Variants in SLMAP observed in about 807,000 individuals in gnomAD.
The protein encoded by SLMAP is sarcolemmal membrane-associated protein.
SLMAP carries 44 observed loss-of-function variants against 128.8 expected under a neutral mutation model. The ratio of observed to expected loss-of-function variants is 0.34; its 90% CI spans 0.27 to 0.44. The LOEUF (loss-of-function observed/expected upper bound fraction) is 0.44, where lower values mean the gene tolerates loss of function less well. Ranked by LOEUF, SLMAP falls within the 20% of genes least tolerant of loss-of-function variation. The pLI, the probability that SLMAP is intolerant of heterozygous loss-of-function variation, is 1.00. For synonymous variants in SLMAP, 327 were observed against 348.8 expected (o/e 0.94, Z 0.70); for missense variants, 787 against 985.3 (o/e 0.80, Z 2.69).
intron 2 of SLMAP, among the ~76,000 whole-genome samples, chr3:57,761,971 C>T (rs1341466916): frequency 2.0e-5 from 3 of 147,758 alleles, no homozygotes; most frequent in Non-Finnish European, 4.5e-5. Flanking sequence ...GGCGTGAACC[C>T]GGGAAGCGGA....
chr3:57,865,112 C>T, intron 12 of SLMAP, 130 bp from the exon 13 acceptor site: 1 of 602,588 alleles, frequency 1.7e-6, no homozygotes, highest in Non-Finnish European at 2.9e-6. Flanking sequence ...AGTACATGAA[C>T]AGCAGGATCC....
At chr3:57,886,286 C>T (rs1213865390) in intron 14 of SLMAP, among the ~76,000 whole-genome samples, 2 of 145,770 alleles carry the variant, frequency 1.4e-5, no homozygotes, top group East Asian at 4.2e-4. Flanking sequence ...TTTAGTAGAA[C>T]CGGGTTTTCA....
intron 2 of SLMAP, among the ~76,000 whole-genome samples, chr3:57,765,722 T>C (rs190916909): frequency 6.6e-6 from 1 of 152,332 alleles, no homozygotes; most frequent in East Asian, 1.9e-4. Flanking sequence ...TGCTGGTGTT[T>C]GTGAGAAAGT....
rs369118202 is a variant in SLMAP at position 57,851,990 on chromosome 3, A to G, written c.519+2174A>G. Among the ~76,000 whole-genome samples the G allele has an allele frequency of 4.8e-4, 73 of 152,050 alleles. No homozygotes were observed. The East Asian group carries it at 0.01, about 21-fold the overall frequency. On this transcript the variant is annotated intron_variant, in intron 6 of 24. Transcript: ENST00000671191. ...CGGTGGCGTGATCTTGGCTCACTGC[A>G]ACCTCCACTTCCCGGGTTCAAGCGA...
chr3:57,899,311 T>C (rs1018713252), intron 17 of SLMAP: 1 of 152,204 alleles, frequency 6.6e-6, no homozygotes, highest in Non-Finnish European at 1.5e-5. Flanking sequence ...AGGAAAAGAT[T>C]GGAAAATACA....
chr3:57,891,532 G>A (rs1024418274), intron 15 of SLMAP, among the ~76,000 whole-genome samples: 3 of 151,170 alleles, frequency 2.0e-5, no homozygotes, highest in African/African-American at 7.3e-5. Context: ...AAGTTTTAAA[G>A]AACATGCCTT....
Position 57,909,137 on chromosome 3 carries a change from A to G in SLMAP, c.1686A>G (p.Ile562Met), listed in dbSNP as rs2096633047. ...AAGTTGAGGAATCCACTAAACAAAT[A>G]CAGGTTCTTCAAGGTATGGAAGACC... ...RNQVEESTKQ[I>M]QVLQAQLQRL... Residue 562 changes from isoleucine to methionine, a missense_variant, in exon 19 of 25, where the codon ATA becomes ATG. Around this residue, in one of 2 missense-constraint regions of SLMAP, gnomAD observed 715 missense variants for 843.6 expected, o/e 0.85. Coordinates refer to ENST00000671191, the MANE Select transcript of SLMAP (RefSeq NM_001377540.1). The G allele has an allele frequency of 1.9e-6, 3 of 1,608,112 alleles. No individual in the cohort carries two copies. Among genetic ancestry groups the G allele is most frequent in the Non-Finnish European group, 2.6e-6 (3 of 1,176,108 alleles).
chr3:57,880,885 A>G (rs774300630), intron 14 of SLMAP, among the ~76,000 whole-genome samples: 6 of 152,132 alleles, frequency 3.9e-5, no homozygotes, highest in Non-Finnish European at 5.9e-5. Flanking sequence ...ACCTTGTCTC[A>G]GAATTTTTAA....
At chr3:57,843,336 C>T (rs1319150858) in intron 4 of SLMAP, among the ~76,000 whole-genome samples, 26 of 44,986 alleles carry the variant, frequency 5.8e-4, no homozygotes, top group Non-Finnish European at 7.3e-4. Context: ...TTTTCTTTGA[C>T]AGCCTGGTTC....
intron 2 of SLMAP, among the ~76,000 whole-genome samples, chr3:57,772,700 G>T (rs1156994914): frequency 6.6e-6 from 1 of 151,974 alleles, no homozygotes; most frequent in African/African-American, 2.4e-5. Context: ...GAGTGCAGTG[G>T]CATGATCTCG....
intron 14 of SLMAP, among the ~76,000 whole-genome samples, chr3:57,882,113 G>A (rs555700148): frequency 6.6e-6 from 1 of 152,176 alleles, no homozygotes; most frequent in East Asian, 1.9e-4. Context: ...TTTTTAGGAT[G>A]AGGAAACACT....
intron 17 of SLMAP, among the ~76,000 whole-genome samples, chr3:57,906,006 A>G (rs913276779): frequency 2.7e-5 from 4 of 150,400 alleles, no homozygotes; most frequent in Non-Finnish European, 5.9e-5. Flanking sequence ...AACCACTTGA[A>G]TGTAAGATGC....
In SLMAP at chr3:57,890,120, A is replaced by T. The variant is rs748189634; in HGVS notation, c.1360+20A>T. 2 of 1,611,742 alleles carry T rather than the reference A, an allele frequency of 1.2e-6. No homozygotes were observed. The highest frequency in any genetic ancestry group is 1.7e-6 in the Non-Finnish European group (2 of 1,178,124). ...CAAAAGGTTTGTTTTCTGTTTTTCTATGTTTTTTGACAGTTCTTTTGGATA... is the reference window on the plus strand; with the variant it reads ...CAAAAGGTTTGTTTTCTGTTTTTCTTTGTTTTTTGACAGTTCTTTTGGATA... On this transcript the variant is annotated intron_variant, in intron 15 of 24. Transcript: ENST00000671191.
rs970010369 is a variant in SLMAP at position 57,849,049 on chromosome 3, C to G, written c.457-705C>G. On this transcript the variant is annotated intron_variant, in intron 5 of 24. Coordinates refer to ENST00000671191, the MANE Select transcript of SLMAP (RefSeq NM_001377540.1). ...TTGAGATGGAGTTTCGCTCTGTCGT[C>G]CAGGCTGAAGTGCAGTAGCGTGACA... is the stretch of plus-strand genomic sequence containing the variant. Among the ~76,000 whole-genome samples the G allele has an allele frequency of 5.3e-5, 8 of 151,342 alleles. No homozygotes were observed. In the East Asian group the frequency reaches 1.6e-3, roughly 29 times the overall value.
intron 2 of SLMAP, among the ~76,000 whole-genome samples, chr3:57,765,472 A>T (rs1168848792): frequency 6.6e-6 from 1 of 152,142 alleles, no homozygotes; most frequent in African/African-American, 2.4e-5. Flanking sequence ...AGAAGCAGGG[A>T]TGATACGGCA....
At chr3:57,913,129 T>C (rs1416001304) in intron 20 of SLMAP, 29 bp from the exon 21 acceptor site, 3 of 1,005,282 alleles carry the variant, frequency 3.0e-6, no homozygotes, top group Middle Eastern at 2.1e-4. Context: ...TATTTCTGTA[T>C]TAACAAATAT....
intron 2 of SLMAP, among the ~76,000 whole-genome samples, chr3:57,790,941 T>C (rs533497483): frequency 6.6e-6 from 1 of 152,328 alleles, no homozygotes; most frequent in East Asian, 1.9e-4. Context: ...TACTGAAATA[T>C]ATATGTATTA....
intron 8 of SLMAP, among the ~76,000 whole-genome samples, chr3:57,859,567 A>G (rs1560283309): frequency 6.6e-6 from 1 of 152,132 alleles, no homozygotes; most frequent in Non-Finnish European, 1.5e-5. Context: ...AAAAAACGAA[A>G]AAAGGAAAAA....
rs151020470 is a variant in SLMAP, at chr3:57,804,915, T to G, written c.199-26468T>G. On this transcript the variant is annotated intron_variant, in intron 2 of 24. Transcript: ENST00000671191. ...GTACTCTAGATTGACTTCACTACTTTAAGACCTCAGAAAGAGATGTCCCAG... is the reference window on the plus strand; with the variant it reads ...GTACTCTAGATTGACTTCACTACTTGAAGACCTCAGAAAGAGATGTCCCAG... 2.6e-3 allele frequency among the ~76,000 whole-genome samples: 398 copies of G among 152,334 alleles called. 1 individual carries two copies. The highest frequency in any genetic ancestry group is 4.5e-3 in the Non-Finnish European group (305 of 68,022).
Sources: gnomAD v4.1 joint callset for allele counts (sites outside exome capture counted in the v4.1 genomes callset) on GRCh38, gnomAD v4.1.1 for gene constraint, gnomAD v4.1.1 regional missense constraint, MANE v1.5 for transcripts, NCBI Gene and HGNC (gene_info 2026-07-23, HGNC 2026-07-21) for gene names.